The following LPAR3 variants were observed in gnomAD, a reference collection of about 807,000 sequenced individuals.
LPAR3 encodes LPA receptor 3.
In LPAR3, 7 loss-of-function variants were observed where a neutral mutation model predicts 17.8. That is an observed-to-expected ratio of 0.39 (90% CI 0.22 to 0.74). LPAR3 has a LOEUF of 0.74. Ranked by LOEUF, LPAR3 falls within the 30% of genes least tolerant of loss-of-function variation. The pLI is 0.40. For missense variants in LPAR3, 391 were observed against 453.4 expected (o/e 0.86, Z 1.25); for synonymous variants, 179 against 179.9 (o/e 0.99, Z 0.04).
chr1:84,876,654 G>A (rs1385017569), intron 1 of LPAR3, among the ~76,000 whole-genome samples: 1 of 152,132 alleles, frequency 6.6e-6, no homozygotes, highest in African/African-American at 2.4e-5. Flanking sequence ...TCCCCTCCCC[G>A]CCGCTCCGGT....
intron 2 of LPAR3, among the ~76,000 whole-genome samples, chr1:84,860,330 G>A (rs1366125324): frequency 6.6e-6 from 1 of 152,200 alleles, no homozygotes; most frequent in Non-Finnish European, 1.5e-5. Flanking sequence ...TCCTTCCAAA[G>A]AGGATAGCCA....
intron 2 of LPAR3, among the ~76,000 whole-genome samples, chr1:84,845,021 T>C (rs980231076): frequency 6.6e-6 from 1 of 152,254 alleles, no homozygotes; most frequent in African/African-American, 2.4e-5. Context: ...ATTTAAATTC[T>C]AGTGCCAAAG....
At chr1:84,851,787 G>A (rs1196846959) in intron 2 of LPAR3, among the ~76,000 whole-genome samples, 1 of 152,210 alleles carries the variant, frequency 6.6e-6, no homozygotes, top group Non-Finnish European at 1.5e-5. Flanking sequence ...CATAGAAAAG[G>A]AGGCTGGGAA....
chr1:84,888,275 C>T (rs1660496271), intron 1 of LPAR3, among the ~76,000 whole-genome samples: 1 of 151,938 alleles, frequency 6.6e-6, no homozygotes, highest in Non-Finnish European at 1.5e-5. Context: ...AAAGATTATA[C>T]TACTTATTTT....
Position 84,866,700 on chromosome 1 carries a change from G to A in LPAR3, c.-18-562C>T, listed in dbSNP as rs115247526. On this transcript the variant is annotated intron_variant, in intron 1 of 2. Transcript: ENST00000370611. ...GAATTACCATTCACATAACCAAACA[G>A]ATACCCCAAGAGACCAGTTTTCTAT... is the stretch of plus-strand genomic sequence containing the variant. Among the ~76,000 whole-genome samples, 1,316 of 152,254 alleles carry A rather than the reference G, an allele frequency of 8.6e-3. 20 individuals carry two copies. The highest frequency in any genetic ancestry group is 0.03 in the African/African-American group (1,250 of 41,532).
At chr1:84,824,832 C>T (rs1659123041) in intron 2 of LPAR3, among the ~76,000 whole-genome samples, 1 of 152,202 alleles carries the variant, frequency 6.6e-6, no homozygotes, top group Non-Finnish European at 1.5e-5. Flanking sequence ...ACACTCTGCC[C>T]TGTTTCTGTA....
Position 84,812,153 on chromosome 1 carries a change from T to C in LPAR3, c.*1693A>G, listed in dbSNP as rs111935411. The C allele has an allele frequency of 2.0e-5, 3 of 152,304 alleles. No homozygotes were observed. Among genetic ancestry groups the C allele is most frequent in the African/African-American group, 7.2e-5 (3 of 41,574 alleles). The allele number at this position is 152,304 out of a possible 1,614,324, so 9.4% of individuals were successfully genotyped here. A position where few individuals can be genotyped will look rare whatever the true frequency, so the allele number is the denominator to read the frequency against. The stretch of plus-strand genomic sequence containing the variant: ...TATGGAGGTAACTGAAGATAAGGAC[T>C]GGGGTCAAGCTCATATTTCATTCTA... On this transcript the variant is annotated 3_prime_UTR_variant, in exon 3 of 3. Transcript: ENST00000370611.
intron 1 of LPAR3, among the ~76,000 whole-genome samples, chr1:84,878,833 C>CCTT (rs1660305259): frequency 6.6e-6 from 1 of 152,050 alleles, no homozygotes; most frequent in Non-Finnish European, 1.5e-5. Context: ...TGGCTAGGAC[C>CCTT]CTTCACTCTC....
At chr1:84,822,609 G>A (rs775094500) in intron 2 of LPAR3, among the ~76,000 whole-genome samples, 1 of 152,112 alleles carries the variant, frequency 6.6e-6, no homozygotes, top group Non-Finnish European at 1.5e-5. Flanking sequence ...TAGTACCTTG[G>A]TGAATACCTC....
chr1:84,875,425 T>C (rs957659826), intron 1 of LPAR3, among the ~76,000 whole-genome samples: 3 of 152,188 alleles, frequency 2.0e-5, no homozygotes, highest in Admixed American at 2.0e-4. Context: ...GGTGGATTAA[T>C]GGATTAACAC....
At chr1:84,889,057 G>C (rs1027267668) in intron 1 of LPAR3, among the ~76,000 whole-genome samples, 2 of 152,022 alleles carry the variant, frequency 1.3e-5, no homozygotes, top group African/African-American at 4.8e-5. Flanking sequence ...ATGGGCAAGG[G>C]AGGAGTTCAA....
intron 2 of LPAR3, among the ~76,000 whole-genome samples, chr1:84,843,509 C>A (rs1659544803): frequency 1.3e-5 from 2 of 152,250 alleles, no homozygotes; most frequent in Non-Finnish European, 2.9e-5. Flanking sequence ...CTTTTCCAAG[C>A]TGGAGGTGCA....
intron 2 of LPAR3, among the ~76,000 whole-genome samples, chr1:84,838,014 G>A (rs1659438715): frequency 1.3e-5 from 2 of 152,232 alleles, no homozygotes; most frequent in African/African-American, 4.8e-5. Context: ...ATAAGGTGAT[G>A]TGATTAAAAC....
chr1:84,890,444 C>T (rs372632059), intron 1 of LPAR3, among the ~76,000 whole-genome samples: 1 of 152,172 alleles, frequency 6.6e-6, no homozygotes, highest in East Asian at 1.9e-4. Context: ...AGACCATGCT[C>T]AGTGCTTTCT....
chr1:84,864,710 G>A lies in LPAR3; in HGVS notation c.736+675C>T, dbSNP rs190720311. 3.1e-3 allele frequency among the ~76,000 whole-genome samples: 468 copies of A among 152,274 alleles called. 5 individuals carry two copies. The highest frequency in any genetic ancestry group is 0.029 in the South Asian group (138 of 4,824). On this transcript the variant is annotated intron_variant, in intron 2 of 2. Coordinates refer to ENST00000370611, the MANE Select transcript of LPAR3 (RefSeq NM_012152.3). The stretch of plus-strand genomic sequence containing the variant: ...AGGCAGGAGAATTGCTTGAACTCGG[G>A]AGGTGGAGGTTGCAGTGAGCTGAGA...
intron 2 of LPAR3, among the ~76,000 whole-genome samples, chr1:84,823,317 T>C (rs1427381550): frequency 6.6e-6 from 1 of 152,208 alleles, no homozygotes; most frequent in Non-Finnish European, 1.5e-5. Context: ...CAAATTCATA[T>C]TCATTTAGCA....
intron 2 of LPAR3, among the ~76,000 whole-genome samples, chr1:84,861,907 C>T (rs1461189228): frequency 6.6e-6 from 1 of 152,144 alleles, no homozygotes; most frequent in African/African-American, 2.4e-5. Context: ...CAAAACCTCC[C>T]AGCTCCTTTC....
At chr1:84,824,664 T>C (rs80240401) in intron 2 of LPAR3, among the ~76,000 whole-genome samples, 11,568 of 152,252 alleles carry the variant, frequency 0.076, 565 homozygotes, top group Middle Eastern at 0.17. Flanking sequence ...ATGTGGAAAG[T>C]GTCCAACACA....
chr1:84,871,991 C>T (rs1660165486), intron 1 of LPAR3, among the ~76,000 whole-genome samples: 1 of 152,172 alleles, frequency 6.6e-6, no homozygotes. Context: ...CAACTATCTA[C>T]TTGGGCTACG....
Sources: gnomAD v4.1 joint callset for allele counts (sites outside exome capture counted in the v4.1 genomes callset) on GRCh38, gnomAD v4.1.1 for gene constraint, MANE v1.5 for transcripts, NCBI Gene and HGNC (gene_info 2026-07-23, HGNC 2026-07-21) for gene names.